CEP135: variants seen among roughly 807,000 people sequenced by gnomAD.
CEP135 encodes the protein centrosomal protein 135.
Under a neutral mutation model 157.3 loss-of-function variants are expected in CEP135, and 142 were observed. That is an observed-to-expected ratio of 0.90 (90% CI 0.79 to 1.04). The LOEUF (loss-of-function observed/expected upper bound fraction) is 1.04, where lower values mean the gene tolerates loss of function less well. Among genes scored for constraint, CEP135 ranks in the 50% least tolerant of loss-of-function variants. The pLI is 0.00. For missense variants in CEP135, 1,317 were observed against 1,309.2 expected (o/e 1.01, Z -0.09); for synonymous variants, 396 against 439.8 (o/e 0.90, Z 1.25).
chr4:55,977,796 A>G (rs1368436852), intron 11 of CEP135, among the ~76,000 whole-genome samples: 5 of 152,238 alleles, frequency 3.3e-5, no homozygotes, highest in Non-Finnish European at 7.3e-5. Context: ...AACTGAAACT[A>G]TGCCCTTTGA....
intron 25 of CEP135, among the ~76,000 whole-genome samples, chr4:56,026,015 C>T (rs1036108885): frequency 2.0e-5 from 3 of 151,984 alleles, no homozygotes; most frequent in African/African-American, 7.3e-5. Flanking sequence ...TCAAGACCAG[C>T]CTGGCCAACA....
chr4:56,024,564 G>C lies in CEP135; in HGVS notation c.3384G>C (p.Leu1128=). The change falls in exon 25 of 26, where the codon CTG becomes CTC. Residue 1128 remains leucine, a synonymous_variant. Transcript: ENST00000257287. ...GLATPPLSST[L]RSPSHSPEHR... ...CTACACCACCCCTTAGTTCCACTCTGAGGTCTCCTTCACATTCTCCTGAAC... is the reference window on the plus strand; with the variant it reads ...CTACACCACCCCTTAGTTCCACTCTCAGGTCTCCTTCACATTCTCCTGAAC... 1 of 1,613,786 alleles carries C rather than the reference G, an allele frequency of 6.2e-7. No homozygotes were observed. The highest frequency in any genetic ancestry group is 8.5e-7 in the Non-Finnish European group (1 of 1,179,782).
chr4:55,996,201 A>C (rs1366180936), intron 15 of CEP135, among the ~76,000 whole-genome samples: 2 of 152,048 alleles, frequency 1.3e-5, no homozygotes, highest in Non-Finnish European at 2.9e-5. Context: ...GGTTCACTGA[A>C]ACCTTGACCT....
At chr4:55,992,135 G>A (rs1040366682) in intron 15 of CEP135, 50 bp downstream of exon 15, 3 of 1,539,998 alleles carry the variant, frequency 1.9e-6, no homozygotes, top group Non-Finnish European at 2.6e-6. Flanking sequence ...TGTGTTTGTG[G>A]TTATGTAAAG....
intron 14 of CEP135, among the ~76,000 whole-genome samples, chr4:55,989,633 C>G (rs576027017): frequency 1.3e-5 from 2 of 152,250 alleles, no homozygotes; most frequent in South Asian, 4.1e-4. Flanking sequence ...AATCCCCCTC[C>G]CCTGAAAAAG....
chr4:56,028,009 A>G (rs191045197), intron 25 of CEP135, among the ~76,000 whole-genome samples: 1 of 152,320 alleles, frequency 6.6e-6, no homozygotes, highest in African/African-American at 2.4e-5. Context: ...TTACATTTTC[A>G]TATAAGTGAA....
intron 15 of CEP135, among the ~76,000 whole-genome samples, chr4:55,996,433 C>G (rs1017238195): frequency 6.6e-6 from 1 of 152,110 alleles, no homozygotes. Context: ...CTGGGCATTC[C>G]TAACATTTTT....
At chr4:55,976,576 C>T (rs1017748281) in intron 11 of CEP135, among the ~76,000 whole-genome samples, 9 of 152,194 alleles carry the variant, frequency 5.9e-5, no homozygotes, top group African/African-American at 1.9e-4. Context: ...TGAAACTTTT[C>T]TCCCCTTCAA....
At chr4:55,971,622 C>T (rs1029703325) in intron 10 of CEP135, among the ~76,000 whole-genome samples, 13 of 152,072 alleles carry the variant, frequency 8.5e-5, no homozygotes, top group African/African-American at 3.1e-4. Flanking sequence ...ATACAGGGAG[C>T]CCTGCTTGAA....
At chr4:56,012,884 C>T (rs1181419139) in intron 21 of CEP135, among the ~76,000 whole-genome samples, 1 of 152,156 alleles carries the variant, frequency 6.6e-6, no homozygotes, top group African/African-American at 2.4e-5. Flanking sequence ...CGGGTGCTTG[C>T]TTTCAGTTCT....
chr4:55,968,310 C>T (rs915819874), intron 8 of CEP135, among the ~76,000 whole-genome samples: 14 of 150,696 alleles, frequency 9.3e-5, no homozygotes, highest in Non-Finnish European at 1.6e-4. Flanking sequence ...ATTGGAAGAC[C>T]CAATATTGTT....
intron 14 of CEP135, 66 bp from the exon 15 acceptor site, chr4:55,991,868 G>C: frequency 7.6e-6 from 6 of 787,558 alleles, no homozygotes; most frequent in Non-Finnish European, 1.1e-5. Context: ...TTATTAAAGA[G>C]TGCCTAAGAA....
In CEP135 at chr4:55,973,290, A is replaced by G. The variant is rs141966592; in HGVS notation, c.1250-1456A>G. ...AGCAGACTGCTCAGCGCTGTATGGAAATCTTACACTGTTCTCTTAGCGTTT... is the reference window on the plus strand; with the variant it reads ...AGCAGACTGCTCAGCGCTGTATGGAGATCTTACACTGTTCTCTTAGCGTTT... On this transcript the variant is annotated intron_variant, in intron 10 of 25. Transcript: ENST00000257287. 3.3e-3 allele frequency among the ~76,000 whole-genome samples: 501 copies of G among 152,312 alleles called. 1 individual carries two copies. The highest frequency in any genetic ancestry group is 5.8e-3 in the Non-Finnish European group (394 of 68,018).
intron 15 of CEP135, among the ~76,000 whole-genome samples, chr4:55,994,922 G>A (rs1284245587): frequency 6.6e-6 from 1 of 152,168 alleles, no homozygotes; most frequent in Non-Finnish European, 1.5e-5. Flanking sequence ...CTGACCTCAT[G>A]TGATCCATCC....
chr4:55,980,609 A>G (rs1466058420), intron 12 of CEP135, among the ~76,000 whole-genome samples: 5 of 152,198 alleles, frequency 3.3e-5, no homozygotes, highest in Non-Finnish European at 1.5e-5. Flanking sequence ...ATTCAGACGT[A>G]GGGAAATGTC....
chr4:55,956,901 G>A (rs981742443), intron 4 of CEP135, among the ~76,000 whole-genome samples: 5 of 151,984 alleles, frequency 3.3e-5, no homozygotes, highest in Admixed American at 1.3e-4. Context: ...GGTGTGAGCC[G>A]CCATACCTGG....
At chr4:55,990,154 T>C (rs1243678872) in intron 14 of CEP135, among the ~76,000 whole-genome samples, 2 of 152,236 alleles carry the variant, frequency 1.3e-5, no homozygotes, top group Non-Finnish European at 2.9e-5. Flanking sequence ...ATTGAACCTA[T>C]TGCTAATTTT....
chr4:56,007,431 G>A (rs976560746), intron 17 of CEP135, among the ~76,000 whole-genome samples: 4 of 152,164 alleles, frequency 2.6e-5, no homozygotes, highest in African/African-American at 9.7e-5. Context: ...GTGCCCAGGG[G>A]ACCTGTGGAA....
At chr4:55,968,520 C>T (rs991301688) in intron 8 of CEP135, among the ~76,000 whole-genome samples, 4 of 152,098 alleles carry the variant, frequency 2.6e-5, no homozygotes, top group African/African-American at 9.7e-5. Context: ...TTCATTACAA[C>T]ACTCCTATAT....
Sources: gnomAD v4.1 joint callset for allele counts (sites outside exome capture counted in the v4.1 genomes callset) on GRCh38, gnomAD v4.1.1 for gene constraint, MANE v1.5 for transcripts, NCBI Gene and HGNC (gene_info 2026-07-23, HGNC 2026-07-21) for gene names.